The following MAPK10 variants were observed in gnomAD, a reference collection of about 807,000 sequenced individuals.
The protein encoded by MAPK10 is mitogen-activated protein kinase 10.
Under a neutral mutation model 59.3 loss-of-function variants are expected in MAPK10, and 25 were observed. That is an observed-to-expected ratio of 0.42 (90% CI 0.31 to 0.59). The LOEUF (loss-of-function observed/expected upper bound fraction) is 0.59, where lower values mean the gene tolerates loss of function less well. Ranked by LOEUF, MAPK10 falls within the 20% of genes least tolerant of loss-of-function variation. MAPK10 has a pLI of 0.15. For synonymous variants in MAPK10, 190 were observed against 200.5 expected (o/e 0.95, Z 0.44); for missense variants, 351 against 568.9 (o/e 0.62, Z 3.90).
At chr4:86,388,393 C>A (rs2149006832) in intron 1 of MAPK10, among the ~76,000 whole-genome samples, 1 of 152,182 alleles carries the variant, frequency 6.6e-6, no homozygotes, top group East Asian at 1.9e-4. Context: ...AAATTAATAA[C>A]TGAAAAATAT....
intron 11 of MAPK10, among the ~76,000 whole-genome samples, chr4:86,056,124 G>A (rs1436526): frequency 0.019 from 2,820 of 149,984 alleles, 329 homozygotes; most frequent in African/African-American, 0.066. Context: ...TCCTCCCAAC[G>A]GGAGATACAG....
At chr4:86,429,895 A>G (rs1747803409) in intron 1 of MAPK10, 1 of 151,900 alleles carries the variant, frequency 6.6e-6, no homozygotes, top group East Asian at 1.9e-4. Flanking sequence ...TCACAAAAAT[A>G]TCATTGAGTA....
chr4:86,380,859 T>TAAAAAAAAAA (rs35581530), intron 1 of MAPK10, among the ~76,000 whole-genome samples: 1 of 137,112 alleles, frequency 7.3e-6, no homozygotes, highest in Non-Finnish European at 1.5e-5. Context: ...TGGAAAGCAT[T>TAAAAAAAAAA]AAAAAAAAAA....
chr4:86,357,922 A>G (rs1018299048), intron 1 of MAPK10: 1 of 200,268 alleles, frequency 5.0e-6, no homozygotes, highest in African/African-American at 2.4e-5. Context: ...AAGCATGAAG[A>G]CTCTCTAATA....
chr4:86,317,866 T>C (rs965870673), intron 2 of MAPK10, among the ~76,000 whole-genome samples: 2 of 152,180 alleles, frequency 1.3e-5, no homozygotes, highest in Admixed American at 1.3e-4. Context: ...AAGTCAGAAA[T>C]CAGGCTATCG....
intron 1 of MAPK10, among the ~76,000 whole-genome samples, chr4:86,562,685 A>G (rs1760768515): frequency 6.6e-6 from 1 of 151,936 alleles, no homozygotes; most frequent in Non-Finnish European, 1.5e-5. Flanking sequence ...ACAGGACAAG[A>G]CCCTGTCTCA....
At chr4:86,043,610 A>C (rs113697146) in intron 11 of MAPK10, among the ~76,000 whole-genome samples, 1,905 of 152,302 alleles carry the variant, frequency 0.013, 21 homozygotes, top group Non-Finnish European at 0.02. Flanking sequence ...AAGAGACTAG[A>C]ACATGTTTAT....
intron 2 of MAPK10, among the ~76,000 whole-genome samples, chr4:86,312,982 T>C (rs1003369224): frequency 1.2e-4 from 19 of 152,134 alleles, no homozygotes; most frequent in African/African-American, 3.9e-4. Context: ...TATATACATA[T>C]TTGTATGCCC....
intron 1 of MAPK10, among the ~76,000 whole-genome samples, chr4:86,446,800 T>C (rs1267912562): frequency 1.3e-5 from 2 of 152,208 alleles, no homozygotes; most frequent in Non-Finnish European, 2.9e-5. Flanking sequence ...TCCCCCTAAT[T>C]ACTAATAAGG....
chr4:86,511,509 G>A (rs917836045), intron 1 of MAPK10, among the ~76,000 whole-genome samples: 3 of 152,052 alleles, frequency 2.0e-5, no homozygotes, highest in Non-Finnish European at 2.9e-5. Context: ...AGGTTGCAGT[G>A]AGCCATGATC....
At chr4:86,462,523 G>C (rs1300323032) in intron 1 of MAPK10, among the ~76,000 whole-genome samples, 2 of 152,158 alleles carry the variant, frequency 1.3e-5, no homozygotes, top group Non-Finnish European at 1.5e-5. Flanking sequence ...TTGAAGGTTT[G>C]GTAGATACAG....
intron 1 of MAPK10, among the ~76,000 whole-genome samples, chr4:86,534,468 T>C (rs1758081416): frequency 6.6e-6 from 1 of 152,166 alleles, no homozygotes; most frequent in Admixed American, 6.5e-5. Context: ...GTCTGAAGTT[T>C]AATTAATAGT....
intron 5 of MAPK10, among the ~76,000 whole-genome samples, chr4:86,103,975 T>C (rs913838176): frequency 1.3e-5 from 2 of 152,016 alleles, no homozygotes; most frequent in Non-Finnish European, 2.9e-5. Context: ...AGCTAAATAT[T>C]TGGTACTAAC....
intron 2 of MAPK10, among the ~76,000 whole-genome samples, chr4:86,344,051 G>A (rs1726681977): frequency 6.6e-6 from 1 of 152,104 alleles, no homozygotes; most frequent in African/African-American, 2.4e-5. Flanking sequence ...AATATAAAGG[G>A]ATCATGAGAC....
At chr4:86,072,632 C>T (rs1332096141) in intron 9 of MAPK10, among the ~76,000 whole-genome samples, 1 of 81,208 alleles carries the variant, frequency 1.2e-5, no homozygotes, top group Non-Finnish European at 2.4e-5. Context: ...AAGGCTTTTC[C>T]TGCATCTATT....
intron 1 of MAPK10, among the ~76,000 whole-genome samples, chr4:86,535,041 T>C (rs1369560750): frequency 6.6e-6 from 1 of 152,198 alleles, no homozygotes; most frequent in Admixed American, 6.5e-5. Context: ...AAGAGGTCAC[T>C]TTTCTACCCT....
intron 1 of MAPK10, among the ~76,000 whole-genome samples, chr4:86,554,862 C>A (rs577836498): frequency 1.3e-5 from 2 of 152,280 alleles, no homozygotes; most frequent in East Asian, 3.9e-4. Flanking sequence ...TTTAGTGTTC[C>A]AATTTCATTT....
chr4:86,222,984 A>G (rs1281826995), intron 2 of MAPK10, among the ~76,000 whole-genome samples: 2 of 152,208 alleles, frequency 1.3e-5, no homozygotes, highest in Non-Finnish European at 1.5e-5. Context: ...CACCTTGGTT[A>G]AATTCCTGAA....
At position 86,016,780 on chromosome 4, in the gene MAPK10, C is replaced by T. The variant is rs926912425; in HGVS notation, c.*448G>A. 3 of 170,124 alleles carry T rather than the reference C, an allele frequency of 1.8e-5. No homozygotes were observed. The highest frequency in any genetic ancestry group is 7.2e-5 in the African/African-American group (3 of 41,874). The allele number at this position is 170,124 out of a possible 1,614,324, so 10.5% of individuals were successfully genotyped here. On this transcript the variant is annotated 3_prime_UTR_variant, in exon 14 of 14. Transcript: ENST00000641462. ...AGTGCTGTATGAATACAGACACATG[C>T]GGATCTGTATCTACATCCATCTGAC...
Sources: gnomAD v4.1 joint callset for allele counts (sites outside exome capture counted in the v4.1 genomes callset) on GRCh38, gnomAD v4.1.1 for gene constraint, MANE v1.5 for transcripts, NCBI Gene and HGNC (gene_info 2026-07-23, HGNC 2026-07-21) for gene names.